The following LDLRAD3 variants were observed in gnomAD, a reference collection of about 807,000 sequenced individuals.
The protein encoded by LDLRAD3 is low density lipoprotein receptor class A domain containing 3.
LDLRAD3 carries 20 observed loss-of-function variants against 29.4 expected under a neutral mutation model. The ratio of observed to expected loss-of-function variants is 0.68; its 90% CI spans 0.48 to 0.99. The LOEUF (loss-of-function observed/expected upper bound fraction) is 0.99. Among genes scored for constraint, LDLRAD3 ranks in the 50% least tolerant of loss-of-function variants. The pLI, the probability that LDLRAD3 is intolerant of heterozygous loss-of-function variation, is 0.00. For missense variants in LDLRAD3, 420 were observed against 454.3 expected, an observed-to-expected ratio of 0.92 and a Z score of 0.69; for synonymous variants, 157 against 192.7, an observed-to-expected ratio of 0.81 and a Z score of 1.53.
At chr11:35,948,760 G>A (rs1359357767) in intron 1 of LDLRAD3, among the ~76,000 whole-genome samples, 4 of 152,000 alleles carry the variant, frequency 2.6e-5, no homozygotes, top group Non-Finnish European at 5.9e-5. Context: ...GGTTAGTCTC[G>A]GGCAGGGTTT....
intron 4 of LDLRAD3, among the ~76,000 whole-genome samples, chr11:36,211,186 CATAGATGA>C (rs1310339016): frequency 1.3e-5 from 2 of 152,242 alleles, no homozygotes; most frequent in Non-Finnish European, 1.5e-5. Context: ...TGAAAGCAGC[CATAGATGA>C]TACATAATGA....
At chr11:36,128,341 CA>C in intron 4 of LDLRAD3, among the ~76,000 whole-genome samples, 1 of 152,130 alleles carries the variant, frequency 6.6e-6, no homozygotes, top group South Asian at 2.1e-4. Flanking sequence ...CATTTAACCG[CA>C]ATTTCTTCTG....
intron 1 of LDLRAD3, among the ~76,000 whole-genome samples, chr11:36,004,616 A>C (rs1851861979): frequency 1.3e-5 from 2 of 152,182 alleles, no homozygotes; most frequent in South Asian, 4.1e-4. Flanking sequence ...CCCTTCTCAC[A>C]GCTCTACTAG....
intron 5 of LDLRAD3, among the ~76,000 whole-genome samples, chr11:36,228,487 T>G (rs1202125303): frequency 6.6e-6 from 1 of 152,156 alleles, no homozygotes; most frequent in East Asian, 1.9e-4. Flanking sequence ...GGGCCAGACA[T>G]TGAATGTCCC....
intron 4 of LDLRAD3, among the ~76,000 whole-genome samples, chr11:36,202,140 G>GT (rs1335421021): frequency 1.3e-5 from 2 of 151,448 alleles, no homozygotes; most frequent in Non-Finnish European, 2.9e-5. Flanking sequence ...CACCTCCCAG[G>GT]TTCAAGCAAT....
intron 4 of LDLRAD3, among the ~76,000 whole-genome samples, chr11:36,106,765 G>A (rs1450316037): frequency 6.6e-6 from 1 of 152,190 alleles, no homozygotes; most frequent in Non-Finnish European, 1.5e-5. Context: ...ACCACCATAT[G>A]GGGTCTGTGA....
intron 1 of LDLRAD3, chr11:35,997,674 G>A (rs1206533345): frequency 2.7e-5 from 5 of 181,894 alleles, no homozygotes; most frequent in African/African-American, 1.2e-4. Context: ...GAACTTCAGT[G>A]GTGTGCTGGA....
chr11:36,207,228 T>C (rs185035606), intron 4 of LDLRAD3, among the ~76,000 whole-genome samples: 59 of 152,280 alleles, frequency 3.9e-4, no homozygotes, highest in African/African-American at 1.3e-3. Context: ...GCACGTGGAC[T>C]TCTCCATAGG....
intron 1 of LDLRAD3, among the ~76,000 whole-genome samples, chr11:35,949,822 C>T (rs1851108691): frequency 6.6e-6 from 1 of 152,192 alleles, no homozygotes; most frequent in African/African-American, 2.4e-5. Flanking sequence ...TGCAAGGTGG[C>T]ACCCAGAGGA....
chr11:35,963,129 G>A (rs530368025), intron 1 of LDLRAD3, among the ~76,000 whole-genome samples: 1 of 152,164 alleles, frequency 6.6e-6, no homozygotes, highest in Non-Finnish European at 1.5e-5. Context: ...TTTAATTACT[G>A]TCCACTTGCA....
intron 1 of LDLRAD3, among the ~76,000 whole-genome samples, chr11:35,963,768 C>CT (rs1851307065): frequency 3.3e-5 from 5 of 152,166 alleles, no homozygotes; most frequent in Admixed American, 1.3e-4. Flanking sequence ...TTGTCACTGG[C>CT]TTTTTAAAAC....
At chr11:36,197,288 AG>A (rs894957607) in intron 4 of LDLRAD3, 1 of 152,206 alleles carries the variant, frequency 6.6e-6, no homozygotes, top group Non-Finnish European at 1.5e-5. Context: ...TGACTTTTTC[AG>A]GATTGTAAAA....
intron 2 of LDLRAD3, among the ~76,000 whole-genome samples, chr11:36,050,283 C>T (rs58729469): frequency 0.18 from 27,012 of 152,128 alleles, 2,650 homozygotes; most frequent in Admixed American, 0.3. Context: ...TGTTCCTGAG[C>T]CTGTGCAAGC....
At chr11:36,017,343 A>T (rs1489351751) in intron 1 of LDLRAD3, among the ~76,000 whole-genome samples, 1 of 152,136 alleles carries the variant, frequency 6.6e-6, no homozygotes, top group East Asian at 1.9e-4. Flanking sequence ...ATAAGCAGAC[A>T]TTATTGTTCT....
At chr11:35,981,620 CCTTCTCT>C (rs1475064076) in intron 1 of LDLRAD3, among the ~76,000 whole-genome samples, 5 of 152,164 alleles carry the variant, frequency 3.3e-5, no homozygotes, top group Admixed American at 1.3e-4. Flanking sequence ...GATGCTGTGA[CCTTCTCT>C]TTCTCTTTAG....
chr11:35,974,334 C>T (rs905277478), intron 1 of LDLRAD3, among the ~76,000 whole-genome samples: 5 of 151,338 alleles, frequency 3.3e-5, no homozygotes, highest in East Asian at 3.9e-4. Context: ...CCCAGTTGTT[C>T]GGATCATTTG....
At chr11:35,963,524 G>A (rs1039047020) in intron 1 of LDLRAD3, among the ~76,000 whole-genome samples, 7 of 151,668 alleles carry the variant, frequency 4.6e-5, no homozygotes, top group Non-Finnish European at 7.4e-5. Flanking sequence ...GAGTCTCCTC[G>A]GCTTTGCCAC....
chr11:36,068,126 G>A (rs1262874132), intron 2 of LDLRAD3, among the ~76,000 whole-genome samples: 5 of 152,062 alleles, frequency 3.3e-5, no homozygotes, highest in African/African-American at 4.8e-5. Context: ...CATTCTTGCA[G>A]CCCCCACACT....
rs560670574 is a variant in LDLRAD3, at chr11:36,078,454, G to A, written c.194-3199G>A. ...GAAGTGGCAGGGGACTTGTGTGTCA[G>A]TGCTGCCCTGAGCGTGCACACATCC... On this transcript the variant is annotated intron_variant, in intron 2 of 5. Coordinates refer to ENST00000315571, the MANE Select transcript of LDLRAD3 (RefSeq NM_174902.4). Among the ~76,000 whole-genome samples, 13 of 152,338 alleles carry A rather than the reference G, an allele frequency of 8.5e-5. No homozygotes were observed. The South Asian group carries it at 2.3e-3, about 27-fold the overall frequency.
Sources: gnomAD v4.1 joint callset for allele counts (sites outside exome capture counted in the v4.1 genomes callset) on GRCh38, gnomAD v4.1.1 for gene constraint, MANE v1.5 for transcripts, NCBI Gene and HGNC (gene_info 2026-07-23, HGNC 2026-07-21) for gene names.